Variants in PCDH9 observed in about 807,000 individuals in gnomAD.
PCDH9 encodes protocadherin 9, also known as protocadherin-9.
PCDH9 carries 24 observed loss-of-function variants against 70.6 expected under a neutral mutation model. That is an observed-to-expected ratio of 0.34 (90% CI 0.25 to 0.48). PCDH9 has a LOEUF of 0.48. Among genes scored for constraint, PCDH9 ranks in the 20% least tolerant of loss-of-function variants. The pLI, the probability that PCDH9 is intolerant of heterozygous loss-of-function variation, is 0.99. For missense variants in PCDH9, 1,281 were observed against 1,503.6 expected, an observed-to-expected ratio of 0.85 and a Z score of 2.45; for synonymous variants, 562 against 558.5, an observed-to-expected ratio of 1.01 and a Z score of -0.09.
At chr13:66,522,646 G>A (rs1176358729) in intron 4 of PCDH9, among the ~76,000 whole-genome samples, 3 of 151,974 alleles carry the variant, frequency 2.0e-5, no homozygotes, top group Admixed American at 6.6e-5. Flanking sequence ...AATGACAAGT[G>A]TCCTAGGGAA....
intron 2 of PCDH9, among the ~76,000 whole-genome samples, chr13:67,189,749 T>C (rs915765812): frequency 1.4e-4 from 22 of 151,784 alleles, no homozygotes; most frequent in Admixed American, 6.6e-5. Context: ...GAGCCCTAAG[T>C]GGATGAAGGA....
At chr13:66,630,066 GA>G (rs375964687) in intron 4 of PCDH9, among the ~76,000 whole-genome samples, 44 of 152,138 alleles carry the variant, frequency 2.9e-4, no homozygotes, top group African/African-American at 1.1e-3. Context: ...AGAAAATCAA[GA>G]AAAAAGTCAT....
chr13:66,925,860 A>G (rs1269991450), intron 2 of PCDH9, among the ~76,000 whole-genome samples: 1 of 151,982 alleles, frequency 6.6e-6, no homozygotes, highest in Non-Finnish European at 1.5e-5. Context: ...GCCGAGCTTC[A>G]TTTATTTATT....
At chr13:66,379,367 T>C (rs527676922) in intron 4 of PCDH9, among the ~76,000 whole-genome samples, 1 of 152,188 alleles carries the variant, frequency 6.6e-6, no homozygotes, top group Non-Finnish European at 1.5e-5. Flanking sequence ...GTGTTACTAA[T>C]ATTAAAATTA....
At chr13:66,876,016 A>G (rs1205474359) in intron 3 of PCDH9, among the ~76,000 whole-genome samples, 3 of 152,186 alleles carry the variant, frequency 2.0e-5, no homozygotes, top group Non-Finnish European at 4.4e-5. Flanking sequence ...CTGACCATCA[A>G]AACAATTCAT....
chr13:66,911,305 T>C (rs775613807), intron 2 of PCDH9, among the ~76,000 whole-genome samples: 11 of 152,230 alleles, frequency 7.2e-5, no homozygotes, highest in Non-Finnish European at 1.5e-4. Flanking sequence ...AATGAATAAA[T>C]AAAAACAGGA....
chr13:67,031,946 G>A (rs770325424), intron 2 of PCDH9, among the ~76,000 whole-genome samples: 1 of 152,040 alleles, frequency 6.6e-6, no homozygotes, highest in Admixed American at 6.6e-5. Context: ...CTTACCAATG[G>A]TAAATTAAGA....
chr13:66,778,207 C>T (rs950672498), intron 3 of PCDH9, among the ~76,000 whole-genome samples: 1 of 151,922 alleles, frequency 6.6e-6, no homozygotes, highest in African/African-American at 2.4e-5. Flanking sequence ...GGGTGTAGCA[C>T]ACCAGCATGG....
intron 4 of PCDH9, among the ~76,000 whole-genome samples, chr13:66,376,518 A>G (rs771947382): frequency 1.3e-5 from 2 of 152,170 alleles, no homozygotes; most frequent in Admixed American, 6.5e-5. Flanking sequence ...TAAAAAGTCA[A>G]AGTAAAACAG....
intron 4 of PCDH9, among the ~76,000 whole-genome samples, chr13:66,529,762 T>C (rs911414854): frequency 1.3e-5 from 2 of 151,656 alleles, no homozygotes; most frequent in Non-Finnish European, 2.9e-5. Context: ...ACATAAAAGA[T>C]GATAAATACC....
At chr13:66,771,966 C>T (rs952973425) in intron 3 of PCDH9, among the ~76,000 whole-genome samples, 13 of 152,098 alleles carry the variant, frequency 8.5e-5, no homozygotes, top group South Asian at 2.1e-4. Context: ...CAAGCTCAAA[C>T]GTAATACATT....
chr13:66,631,381 C>G lies in PCDH9; in HGVS notation c.3169G>C (p.Asp1057His). 6.2e-7 allele frequency: 1 copy of G among 1,612,244 alleles called. No homozygotes were observed. Among genetic ancestry groups the G allele is most frequent in the Non-Finnish European group, 8.5e-7 (1 of 1,178,332 alleles). Residue 1057 changes from aspartate (D) to histidine (H), a missense_variant, in exon 4 of 5, where the codon GAT becomes CAT. Around this residue, in one of 4 missense-constraint regions of PCDH9, gnomAD observed 264 missense variants for 278.8 expected, o/e 0.95. Coordinates refer to ENST00000377865, the MANE Select transcript of PCDH9 (RefSeq NM_203487.3). Reference sequence around the variant, plus strand: ...TCACTGCAGCTTTCCTGGGAGCCATCAGGGAGATGAAACGTAACACGGCGC... The same window carrying G: ...TCACTGCAGCTTTCCTGGGAGCCATGAGGGAGATGAAACGTAACACGGCGC... ...SQRRVTFHLP[D>H]GSQESCSDSG... is the part of the protein sequence containing the mutation.
rs1239432177 is a variant in PCDH9, at chr13:67,046,608, C to G, written c.3037-143003G>C. On this transcript the variant is annotated intron_variant, in intron 2 of 4. Transcript: ENST00000377865. ...TTTTCATTTATTTTATCACTATGAA[C>G]AATCTATTGAGGGAATATATTTAGT... Among the ~76,000 whole-genome samples the G allele has an allele frequency of 2.0e-5, 3 of 151,792 alleles. No individual in the cohort carries two copies. The East Asian group carries it at 5.8e-4, about 29-fold the overall frequency.
intron 4 of PCDH9, among the ~76,000 whole-genome samples, chr13:66,373,575 T>C (rs1445221385): frequency 6.6e-6 from 1 of 151,972 alleles, no homozygotes; most frequent in African/African-American, 2.4e-5. Context: ...GAACCACAGA[T>C]ACACTCGTAT....
intron 3 of PCDH9, among the ~76,000 whole-genome samples, chr13:66,710,386 A>T (rs1419703709): frequency 6.6e-6 from 1 of 152,164 alleles, no homozygotes; most frequent in East Asian, 1.9e-4. Flanking sequence ...TTTTAAAAGA[A>T]AAGTATACAA....
chr13:66,694,500 C>T (rs776607527), intron 3 of PCDH9, among the ~76,000 whole-genome samples: 8 of 152,046 alleles, frequency 5.3e-5, no homozygotes, highest in Non-Finnish European at 1.0e-4. Context: ...CTCACACAAA[C>T]GTACTAGTAG....
At chr13:66,461,768 C>G (rs1454941494) in intron 4 of PCDH9, among the ~76,000 whole-genome samples, 1 of 151,798 alleles carries the variant, frequency 6.6e-6, no homozygotes, top group Non-Finnish European at 1.5e-5. Flanking sequence ...ATCAATTGCA[C>G]TGTACAATAT....
intron 4 of PCDH9, among the ~76,000 whole-genome samples, chr13:66,498,528 T>G (rs890330396): frequency 4.6e-5 from 7 of 152,112 alleles, no homozygotes; most frequent in Admixed American, 3.9e-4. Context: ...ACCTACTGAC[T>G]TCCTCAATAT....
In PCDH9 at chr13:66,455,899, A is replaced by T. The variant is rs918460336; in HGVS notation, c.3341-150871T>A. ...AGACCATGTTCAATATTTTAGTCTA[A>T]AGGTAAGAGATTCATAGCCTACAGC... On this transcript the variant is annotated intron_variant, in intron 4 of 4. Transcript: ENST00000377865. Among the ~76,000 whole-genome samples, 3 of 152,272 alleles carry T rather than the reference A, an allele frequency of 2.0e-5. No homozygotes were observed. The South Asian group carries it at 6.2e-4, about 32-fold the overall frequency.
Sources: allele counts gnomAD v4.1 joint callset (sites outside exome capture counted in the v4.1 genomes callset), GRCh38; gene constraint gnomAD v4.1.1; regional missense constraint gnomAD v4.1.1; transcripts MANE v1.5; gene names NCBI Gene and HGNC (gene_info 2026-07-23, HGNC 2026-07-21).